Variants in USP39 observed in about 807,000 individuals in gnomAD.
The protein encoded by USP39 is ubiquitin specific peptidase 39, also known as ubiquitin carboxyl-terminal hydrolase 39.
In USP39, 38 loss-of-function variants were observed where a neutral mutation model predicts 66.4. The observed-to-expected ratio is 0.57, with a 90% CI of 0.44 to 0.75. The LOEUF is 0.75. USP39 is among the 30% of genes least tolerant of loss of function. The pLI is 0.00. For missense variants in USP39, 608 were observed against 714.4 expected, an observed-to-expected ratio of 0.85 and a Z score of 1.70; for synonymous variants, 303 against 274.6, an observed-to-expected ratio of 1.10 and a Z score of -1.02.
At chr2:85,623,541 C>T (rs772878864) in intron 3 of USP39, 105 bp from the exon 4 acceptor site, 162 of 1,402,430 alleles carry the variant, frequency 1.2e-4, no homozygotes, top group Non-Finnish European at 1.3e-4. Context: ...TTGTTTTTTG[C>T]GGATATTAAC....
At chr2:85,615,979 TA>T (rs1167882060), upstream of USP39, 13 of 869,126 alleles carry the variant, frequency 1.5e-5, no homozygotes, top group African/African-American at 2.4e-4. Context: ...CCCGTCTCAG[TA>T]AACTGTAAAC....
chr2:85,630,094 G>A (rs1011472947), intron 5 of USP39, among the ~76,000 whole-genome samples: 9 of 151,932 alleles, frequency 5.9e-5, no homozygotes, highest in African/African-American at 2.2e-4. Flanking sequence ...TACCCAGTGT[G>A]TAGTCTTTTA....
chr2:85,648,821 G>A lies in USP39; in HGVS notation c.*13G>A. On this transcript the variant is annotated 3_prime_UTR_variant, in exon 13 of 13. Transcript: ENST00000323701. Reference sequence around the variant, plus strand: ...GCAGGGGGCTTGAAGGAGGCGTCTAGGGCTTTGCTCCCAAGGGCTGTGGCT... The same window carrying A: ...GCAGGGGGCTTGAAGGAGGCGTCTAAGGCTTTGCTCCCAAGGGCTGTGGCT... 2 of 1,614,064 alleles carry A rather than the reference G, an allele frequency of 1.2e-6. No individual in the cohort carries two copies. Among genetic ancestry groups the A allele is most frequent in the South Asian group, 1.1e-5 (1 of 91,086 alleles).
At chr2:85,631,658 C>G (rs1012100553) in intron 6 of USP39, among the ~76,000 whole-genome samples, 1 of 152,170 alleles carries the variant, frequency 6.6e-6, no homozygotes, top group Non-Finnish European at 1.5e-5. Context: ...CTGGGAAAGA[C>G]ACTAGCTTTT....
chr2:85,622,051 C>T (rs1194131512), intron 3 of USP39, among the ~76,000 whole-genome samples: 1 of 151,348 alleles, frequency 6.6e-6, no homozygotes, highest in East Asian at 1.9e-4. Context: ...AACTCCTGGC[C>T]GCAGGTGATC....
upstream of USP39, chr2:85,616,173 G>T: frequency 7.0e-7 from 1 of 1,421,008 alleles, no homozygotes; most frequent in Non-Finnish European, 9.2e-7. Context: ...CGCCTGCGCT[G>T]GACGACTCGG....
chr2:85,603,443 T>A (rs1315792274), intron 1 of USP39, among the ~76,000 whole-genome samples: 1 of 151,826 alleles, frequency 6.6e-6, no homozygotes, highest in East Asian at 1.9e-4. Flanking sequence ...ATGGCCAGTG[T>A]TGGTAAGCAA....
chr2:85,639,432 G>T, intron 9 of USP39, 41 bp downstream of exon 9: 2 of 1,493,248 alleles, frequency 1.3e-6, no homozygotes, highest in Non-Finnish European at 9.0e-7. Flanking sequence ...ACTTACCCTC[G>T]CTCTCTCGAC....
At chr2:85,626,771 G>A (rs1402420393) in intron 5 of USP39, among the ~76,000 whole-genome samples, 2 of 150,858 alleles carry the variant, frequency 1.3e-5, no homozygotes. Context: ...AGGCTGGAGT[G>A]TAGTGGCGCA....
chr2:85,612,200 G>A, upstream of USP39: 2 of 1,095,486 alleles, frequency 1.8e-6, no homozygotes, highest in Middle Eastern at 2.1e-4. Context: ...CCCCCCGGAC[G>A]GAGGGCTTTT....
chr2:85,618,759 G>T (rs989541995), intron 1 of USP39, among the ~76,000 whole-genome samples: 1 of 151,702 alleles, frequency 6.6e-6, no homozygotes, highest in Non-Finnish European at 1.5e-5. Context: ...TGTTCTATTA[G>T]TGGGCTTTTT....
intron 3 of USP39, among the ~76,000 whole-genome samples, chr2:85,622,328 G>A (rs979722522): frequency 6.6e-6 from 1 of 151,378 alleles, no homozygotes; most frequent in Non-Finnish European, 1.5e-5. Context: ...TCACCATATT[G>A]GCCACACTGG....
At chr2:85,617,038 C>T (rs6743051) in intron 1 of USP39, among the ~76,000 whole-genome samples, 11,912 of 151,180 alleles carry the variant, frequency 0.079, 958 homozygotes, top group East Asian at 0.31. Context: ...AGCAGCTTCC[C>T]TTTATCGAAT....
At chr2:85,615,343 A>C (rs1351983441), upstream of USP39, among the ~76,000 whole-genome samples, 1 of 152,034 alleles carries the variant, frequency 6.6e-6, no homozygotes, top group East Asian at 1.9e-4. Context: ...TTAAACATGT[A>C]GTTTGTTGTA....
intron 6 of USP39, among the ~76,000 whole-genome samples, chr2:85,635,681 G>T (rs1675713533): frequency 6.6e-6 from 1 of 152,154 alleles, no homozygotes; most frequent in African/African-American, 2.4e-5. Flanking sequence ...TTCAGTCTGG[G>T]TGCTAGTCAC....
intron 5 of USP39, among the ~76,000 whole-genome samples, chr2:85,629,415 T>C (rs1675142142): frequency 6.6e-6 from 1 of 152,154 alleles, no homozygotes; most frequent in Non-Finnish European, 1.5e-5. Flanking sequence ...TTCCTGAAAT[T>C]AATACGGCTA....
intron 1 of USP39, 46 bp from the exon 2 acceptor site, chr2:85,619,174 A>C: frequency 6.2e-7 from 1 of 1,601,838 alleles, no homozygotes; most frequent in Non-Finnish European, 8.5e-7. Context: ...GTTGGCCCTG[A>C]GTATAGGTTT....
chr2:85,616,553 C>A, intron 1 of USP39, 90 bp downstream of exon 1: 1 of 136,896 alleles, frequency 7.3e-6, no homozygotes, highest in Non-Finnish European at 1.2e-5. Context: ...GTCACTGCGC[C>A]GGAGTTGGGG....
chr2:85,616,346 A>G lies in USP39; in HGVS notation c.151A>G (p.Lys51Glu), dbSNP rs1253074561. Residue 51 changes from lysine (K) to glutamate (E), a missense_variant, in exon 1 of 13, where the codon AAG becomes GAG. Physicochemically the swap from Lys to Glu is moderately conservative, Grantham distance 56. Transcript: ENST00000323701. ...CTCCCGGGGCAGCCCTGTGCGCGTG[A>G]AGCGGGAGTTCGAGCCGGCGAGCGC... ...ASSRGSPVRV[K>E]REFEPASARE... 1 of 1,601,922 alleles carries G rather than the reference A, an allele frequency of 6.2e-7. No homozygotes were observed. The highest frequency in any genetic ancestry group is 2.3e-5 in the East Asian group (1 of 44,372).
Sources: allele counts gnomAD v4.1 joint callset (sites outside exome capture counted in the v4.1 genomes callset), GRCh38; gene constraint gnomAD v4.1.1; transcripts MANE v1.5; gene names NCBI Gene and HGNC (gene_info 2026-07-23, HGNC 2026-07-21).